AZIN2: variants seen among roughly 807,000 people sequenced by gnomAD.
AZIN2 encodes antizyme inhibitor 2.
AZIN2 carries 28 observed loss-of-function variants against 47.8 expected under a neutral mutation model. The ratio of observed to expected loss-of-function variants is 0.59; its 90% CI spans 0.43 to 0.80. The LOEUF (loss-of-function observed/expected upper bound fraction) is 0.80, where lower values mean the gene tolerates loss of function less well. Among genes scored for constraint, AZIN2 ranks in the 30% least tolerant of loss-of-function variants. The pLI, the probability that AZIN2 is intolerant of heterozygous loss-of-function variation, is 0.00. For synonymous variants in AZIN2, 221 were observed against 239.4 expected (o/e 0.92, Z 0.71); for missense variants, 535 against 582.5 (o/e 0.92, Z 0.84).
the AZIN2 span, among the ~76,000 whole-genome samples, chr1:33,162,270 G>A: frequency 4.6e-5 from 7 of 152,118 alleles, no homozygotes; most frequent in East Asian, 9.6e-4. Flanking sequence ...CCTCCCTAGC[G>A]CCACTGCATT....
In AZIN2 at chr1:33,123,186, T is replaced by C; in HGVS notation, c.*3004T>C. The stretch of plus-strand genomic sequence containing the variant: ...TTTTCTTTAGGTGAAGCCTTCTGGA[T>C]CACCCTTTAGAAAATAGCATGTCCT... On this transcript the variant is annotated 3_prime_UTR_variant, in exon 12 of 12. Transcript: ENST00000294517. Among the ~76,000 whole-genome samples, 1 of 152,222 alleles carries C rather than the reference T, an allele frequency of 6.6e-6. No individual in the cohort carries two copies. The highest frequency in any genetic ancestry group is 1.9e-4 in the East Asian group (1 of 5,200).
At chr1:33,158,578 A>G in the AZIN2 span, among the ~76,000 whole-genome samples, 1 of 152,208 alleles carries the variant, frequency 6.6e-6, no homozygotes, top group South Asian at 2.1e-4. Flanking sequence ...GTGCTATGCT[A>G]GCATCAGCCT....
chr1:33,108,212 G>C lies in AZIN2; in HGVS notation c.1030-9690G>C, dbSNP rs560512222. The stretch of plus-strand genomic sequence containing the variant: ...AATTGATCTTCAACAAACGTACCAA[G>C]GACACACAATGGGAAAGGACAGTCT... On this transcript the variant is annotated intron_variant, in intron 10 of 11. Transcript: ENST00000294517. 8.5e-5 allele frequency among the ~76,000 whole-genome samples: 13 copies of C among 152,118 alleles called. No homozygotes were observed. In the East Asian group the frequency reaches 2.5e-3, roughly 29 times the overall value.
intron 9 of AZIN2, 46 bp from the exon 10 acceptor site, chr1:33,098,021 C>T: frequency 7.0e-7 from 1 of 1,431,494 alleles, no homozygotes. Flanking sequence ...ACTACCACCC[C>T]CTCACATTGC....
intron 10 of AZIN2, among the ~76,000 whole-genome samples, chr1:33,112,609 G>T (rs1644336401): frequency 6.6e-6 from 1 of 152,206 alleles, no homozygotes; most frequent in South Asian, 2.1e-4. Flanking sequence ...TGTCATTGGA[G>T]TGGGCACATA....
At chr1:33,088,197 G>A (rs1011010450) in intron 5 of AZIN2, among the ~76,000 whole-genome samples, 3 of 152,092 alleles carry the variant, frequency 2.0e-5, no homozygotes, top group Non-Finnish European at 4.4e-5. Context: ...GACTTGATAC[G>A]AGGAGATGCC....
the AZIN2 span, among the ~76,000 whole-genome samples, chr1:33,136,113 CCCTTCCTT>C: frequency 0.16 from 16,522 of 103,456 alleles, 1,390 homozygotes; most frequent in Middle Eastern, 0.22. Flanking sequence ...CAGGGGCCAG[CCCTTCCTT>C]CCTTCCTTCC....
the AZIN2 span, among the ~76,000 whole-genome samples, chr1:33,141,427 T>C: frequency 6.6e-6 from 1 of 152,198 alleles, no homozygotes; most frequent in South Asian, 2.1e-4. Context: ...TGCTGTGTGA[T>C]GTGGAGCTAG....
chr1:33,088,077 A>G (rs1642130024), intron 5 of AZIN2, among the ~76,000 whole-genome samples: 2 of 150,872 alleles, frequency 1.3e-5, no homozygotes, highest in African/African-American at 4.9e-5. Context: ...TGTCTTGTAA[A>G]CCCTCCTTCT....
At chr1:33,094,334 C>T (rs1440176425) in intron 7 of AZIN2, among the ~76,000 whole-genome samples, 3 of 152,208 alleles carry the variant, frequency 2.0e-5, no homozygotes, top group East Asian at 3.9e-4. Context: ...GGGAGGAGCA[C>T]CAAGTGCCAG....
intron 11 of AZIN2, chr1:33,119,053 C>G (rs921482523): frequency 2.0e-5 from 3 of 152,384 alleles, no homozygotes; most frequent in African/African-American, 7.2e-5. Flanking sequence ...ACATTCAATT[C>G]CTCTGCTGTG....
the AZIN2 span, chr1:33,163,649 C>T: frequency 1.3e-5 from 2 of 152,272 alleles, no homozygotes; most frequent in South Asian, 2.1e-4. Context: ...GTGCTGGGGC[C>T]CTTTCAGAAA....
chr1:33,159,874 C>A, the AZIN2 span: 3 of 1,612,216 alleles, frequency 1.9e-6, no homozygotes, highest in African/African-American at 4.0e-5. The surrounding 1 kb of genome is among the most constrained non-coding windows in gnomAD (Gnocchi z 4.2). Context: ...GGCCTTCTGG[C>A]GTTCACGCAG....
At chr1:33,135,617 CCTGTCCCTCA>C in the AZIN2 span, among the ~76,000 whole-genome samples, 1 of 152,240 alleles carries the variant, frequency 6.6e-6, no homozygotes, top group African/African-American at 2.4e-5. Flanking sequence ...TTGCCAGCCT[CCTGTCCCTCA>C]AACATGCTGT....
At chr1:33,134,405 C>T in the AZIN2 span, among the ~76,000 whole-genome samples, 1,044 of 152,252 alleles carry the variant, frequency 6.9e-3, 10 homozygotes, top group African/African-American at 0.024. Context: ...TTAGCTAAGG[C>T]GCTTAGGTAG....
At chr1:33,149,626 TA>T in the AZIN2 span, among the ~76,000 whole-genome samples, 1 of 151,750 alleles carries the variant, frequency 6.6e-6, no homozygotes, top group African/African-American at 2.4e-5. Context: ...AGCTAATTTT[TA>T]AATTTTTCAT....
Position 33,118,004 on chromosome 1 carries a change from G to A in AZIN2, c.1132G>A (p.Val378Ile), listed in dbSNP as rs373343151. Reference sequence around the variant, plus strand: ...GGGCCTGTGGCTGCCGCAACTACACGTAGGGGACTGGCTGGTCTTTGACAA... The same window carrying A: ...GGGCCTGTGGCTGCCGCAACTACACATAGGGGACTGGCTGGTCTTTGACAA... ...AEGLWLPQLH[V>I]GDWLVFDNMG... Residue 378 changes from valine (V) to isoleucine (I), a missense_variant, in exon 11 of 12, where the codon GTA becomes ATA. Val to Ile is a conservative substitution (Grantham distance 29, BLOSUM62 3). Transcript: ENST00000294517. 1.0e-5 allele frequency: 16 copies of A among 1,603,758 alleles called. No individual in the cohort carries two copies. Among genetic ancestry groups the A allele is most frequent in the African/African-American group, 1.3e-5 (1 of 74,670 alleles).
the AZIN2 span, among the ~76,000 whole-genome samples, chr1:33,154,808 AAG>A: frequency 8.3e-6 from 1 of 120,292 alleles, no homozygotes. Context: ...CAAAAAAAAA[AAG>A]TGGCCAGGCG....
intron 5 of AZIN2, among the ~76,000 whole-genome samples, 160 bp from the exon 6 acceptor site, chr1:33,091,890 T>C (rs758462033): frequency 2.5e-4 from 38 of 152,326 alleles, no homozygotes; most frequent in Non-Finnish European, 4.1e-4. Flanking sequence ...GGTGAATCCA[T>C]GTAAGTCCTG....
Sources: allele counts gnomAD v4.1 joint callset (sites outside exome capture counted in the v4.1 genomes callset), GRCh38; gene constraint gnomAD v4.1.1; non-coding constraint Gnocchi (gnomAD v3.1); transcripts MANE v1.5; gene names NCBI Gene and HGNC (gene_info 2026-07-23, HGNC 2026-07-21).